Variants in PTGR1 observed in about 807,000 individuals in gnomAD.
The protein encoded by PTGR1 is 15-oxoprostaglandin 13-reductase.
In PTGR1, 23 loss-of-function variants were observed where a neutral mutation model predicts 37.7. That is an observed-to-expected ratio of 0.61 (90% CI 0.44 to 0.86). PTGR1 has a LOEUF of 0.86. Ranked by LOEUF, PTGR1 falls within the 40% of genes least tolerant of loss-of-function variation. The pLI, the probability that PTGR1 is intolerant of heterozygous loss-of-function variation, is 0.00. For missense variants in PTGR1, 351 were observed against 394.3 expected, an observed-to-expected ratio of 0.89 and a Z score of 0.93; for synonymous variants, 134 against 140.0, an observed-to-expected ratio of 0.96 and a Z score of 0.30.
At chr9:111,560,473 C>CA (rs752283590), downstream of PTGR1, among the ~76,000 whole-genome samples, 32,527 of 93,998 alleles carry the variant, frequency 0.35, 6,043 homozygotes, top group Non-Finnish European at 0.43. Context: ...GACTCCATCT[C>CA]AAAAAAAAAA....
chr9:111,555,655 A>G lies in PTGR1; in HGVS notation c.880-5856T>C, dbSNP rs183818880. Among the ~76,000 whole-genome samples the G allele has an allele frequency of 6.5e-4, 99 of 152,264 alleles. 5 individuals carry two copies. In the East Asian group the frequency reaches 0.018, roughly 28 times the overall value. ...AAAGGGGAAGCAAGCACATCTTCAC[A>G]TGGCAGCAGGGGAGAGCAAAAAGGG... On this transcript the variant is annotated intron_variant, in intron 9 of 9. Transcript: ENST00000538962.
At chr9:111,572,756 CAAAAAA>C (rs58101079) in intron 8 of PTGR1, among the ~76,000 whole-genome samples, 79 of 63,502 alleles carry the variant, frequency 1.2e-3, no homozygotes, top group African/African-American at 4.5e-3. Flanking sequence ...GACCCTGTCT[CAAAAAA>C]AAAAAAAAAA....
At position 111,596,084 on chromosome 9, in the gene PTGR1, A is replaced by G. The variant is rs144707429; in HGVS notation, c.106+1233T>C. The stretch of plus-strand genomic sequence containing the variant: ...ATGCACTCAAGCATGAATTTCAGTT[A>G]TCAATGAAAGCAGGGGAATCCTGCC... On this transcript the variant is annotated intron_variant, in intron 2 of 9. Coordinates refer to ENST00000407693, the MANE Select transcript of PTGR1 (RefSeq NM_001146108.2). 1.4e-4 allele frequency among the ~76,000 whole-genome samples: 21 copies of G among 152,338 alleles called. No homozygotes were observed. In the East Asian group the frequency reaches 3.5e-3, roughly 25 times the overall value.
At chr9:111,580,564 T>C (rs1346608356) in intron 6 of PTGR1, among the ~76,000 whole-genome samples, 1 of 152,112 alleles carries the variant, frequency 6.6e-6, no homozygotes, top group African/African-American at 2.4e-5. Flanking sequence ...GAGACCAGCC[T>C]GACCAACACG....
At chr9:111,563,499 C>A (rs1204477026) in intron 9 of PTGR1, 3 of 264,268 alleles carry the variant, frequency 1.1e-5, no homozygotes, top group African/African-American at 4.5e-5. Context: ...TAAGCAATCT[C>A]TTTTTCTTTC....
At chr9:111,574,537 C>T (rs745821333) in intron 8 of PTGR1, 197 bp downstream of exon 8, 23 of 356,720 alleles carry the variant, frequency 6.4e-5, no homozygotes, top group African/African-American at 1.5e-4. Flanking sequence ...TTTGTAGAGA[C>T]GGCATTTTGC....
Position 111,593,704 on chromosome 9 carries a change from T to C in PTGR1, c.152+518A>G, listed in dbSNP as rs145922728. On this transcript the variant is annotated intron_variant, in intron 3 of 9. Coordinates refer to ENST00000407693, the MANE Select transcript of PTGR1 (RefSeq NM_001146108.2). ...TTCTTTATGAGACGGGGTCTTGCTCTGTTACCTAGGCTGGAGTGCGGTGGC... is the reference window on the plus strand; with the variant it reads ...TTCTTTATGAGACGGGGTCTTGCTCCGTTACCTAGGCTGGAGTGCGGTGGC... 3.4e-4 allele frequency among the ~76,000 whole-genome samples: 52 copies of C among 152,314 alleles called. 1 individual carries two copies. Among genetic ancestry groups the C allele is most frequent in the Admixed American group, 3.3e-3 (51 of 15,300 alleles).
intron 6 of PTGR1, among the ~76,000 whole-genome samples, chr9:111,581,277 T>A (rs1308254902): frequency 6.6e-6 from 1 of 152,088 alleles, no homozygotes; most frequent in Non-Finnish European, 1.5e-5. Context: ...AGAATAGTCC[T>A]AAGGGAAACA....
intron 4 of PTGR1, among the ~76,000 whole-genome samples, chr9:111,586,606 C>A (rs1829435079): frequency 6.6e-6 from 1 of 152,038 alleles, no homozygotes; most frequent in South Asian, 2.1e-4. Flanking sequence ...TCCCATCCCT[C>A]CCCTAGCTCC....
chr9:111,584,279 C>T (rs1190168861), intron 5 of PTGR1, among the ~76,000 whole-genome samples: 1 of 152,150 alleles, frequency 6.6e-6, no homozygotes. Flanking sequence ...CTCGTGTCTC[C>T]CTTCACCTCT....
At chr9:111,587,465 A>AT (rs1368900819) in intron 4 of PTGR1, among the ~76,000 whole-genome samples, 4 of 152,072 alleles carry the variant, frequency 2.6e-5, no homozygotes, top group Admixed American at 2.0e-4. Context: ...TTATTTATTT[A>AT]TTTTTTGAAA....
intron 9 of PTGR1, among the ~76,000 whole-genome samples, chr9:111,554,413 A>ATTATTTCTACCACAGTCTGTTC (rs2132291113): frequency 6.6e-6 from 1 of 152,280 alleles, no homozygotes; most frequent in Non-Finnish European, 1.5e-5. Flanking sequence ...GAGCACATAG[A>ATTATTTCTACCACAGTCTGTTC]TTATTTCTAC....
intron 6 of PTGR1, 101 bp downstream of exon 6, chr9:111,583,371 T>C: frequency 3.1e-6 from 3 of 952,508 alleles, no homozygotes; most frequent in Non-Finnish European, 5.0e-6. Context: ...AGAAGACAAC[T>C]AGACTATAAA....
intron 9 of PTGR1, among the ~76,000 whole-genome samples, chr9:111,554,486 C>A (rs1044631858): frequency 6.6e-6 from 1 of 152,196 alleles, no homozygotes; most frequent in African/African-American, 2.4e-5. Context: ...CAGTAGCCCC[C>A]TTATCCATGG....
chr9:111,568,704 C>A (rs10980951), intron 9 of PTGR1, among the ~76,000 whole-genome samples: 16 of 152,052 alleles, frequency 1.1e-4, no homozygotes, highest in South Asian at 2.1e-4. Context: ...TATGTGGTGT[C>A]GCCCCCAGCA....
intron 4 of PTGR1, among the ~76,000 whole-genome samples, chr9:111,591,026 T>C (rs1829596929): frequency 6.6e-6 from 1 of 152,160 alleles, no homozygotes; most frequent in South Asian, 2.1e-4. Context: ...GCACGGTGGC[T>C]CATGCCTGTA....
At chr9:111,577,387 T>C (rs1829105614) in intron 7 of PTGR1, 1 of 152,196 alleles carries the variant, frequency 6.6e-6, no homozygotes, top group South Asian at 2.1e-4. Context: ...GTAGCCACTT[T>C]GCAAAACAGT....
Position 111,594,549 on chromosome 9 carries a change from C to CTTT in PTGR1, c.107-285_107-283dup, listed in dbSNP as rs71373753. On this transcript the variant is annotated intron_variant, in intron 2 of 9. Coordinates refer to ENST00000407693, the MANE Select transcript of PTGR1 (RefSeq NM_001146108.2). ...GCCTGATGCCTTCGTTTTTGGCATT[C>CTTT]TTTTTTTTTTTTTTTTTTTGAGAGG... Among the ~76,000 whole-genome samples, 554 of 127,158 alleles carry CTTT rather than the reference C, an allele frequency of 4.4e-3. 13 individuals carry two copies. The highest frequency in any genetic ancestry group is 6.2e-3 in the African/African-American group (210 of 34,048). 83.4% of individuals were successfully genotyped at this position (127,158 alleles called of 152,430 possible).
chr9:111,581,191 G>C (rs1829270102), intron 6 of PTGR1, among the ~76,000 whole-genome samples: 2 of 152,050 alleles, frequency 1.3e-5, no homozygotes, highest in African/African-American at 4.8e-5. Context: ...TTCAATTGGA[G>C]GACCAGATTA....
Sources: allele counts gnomAD v4.1 joint callset (sites outside exome capture counted in the v4.1 genomes callset), GRCh38; gene constraint gnomAD v4.1.1; transcripts MANE v1.5; gene names NCBI Gene and HGNC (gene_info 2026-07-23, HGNC 2026-07-21).